Variants in SLC35F3 observed in about 807,000 individuals in gnomAD.
The protein encoded by SLC35F3 is solute carrier family 35 member F3.
Under a neutral mutation model 49.9 loss-of-function variants are expected in SLC35F3, and 25 were observed. That is an observed-to-expected ratio of 0.50 (90% CI 0.37 to 0.70). SLC35F3 has a LOEUF of 0.70. Among genes scored for constraint, SLC35F3 ranks in the 30% least tolerant of loss-of-function variants. The pLI is 0.00. For missense variants in SLC35F3, 525 were observed against 639.8 expected (o/e 0.82, Z 1.94); for synonymous variants, 275 against 265.4 (o/e 1.04, Z -0.35).
At chr1:234,237,348 T>C (rs1170273771) in intron 3 of SLC35F3, among the ~76,000 whole-genome samples, 1 of 152,150 alleles carries the variant, frequency 6.6e-6, no homozygotes, top group Non-Finnish European at 1.5e-5. Flanking sequence ...ACTGTCAACT[T>C]TTTGAGACTA....
At chr1:233,912,304 C>T (rs1661888328) in intron 2 of SLC35F3, among the ~76,000 whole-genome samples, 1 of 151,988 alleles carries the variant, frequency 6.6e-6, no homozygotes, top group African/African-American at 2.4e-5. Context: ...ATGGTGAAAC[C>T]CCGTCTCTAC....
chr1:233,951,364 C>T (rs961484436), intron 2 of SLC35F3, among the ~76,000 whole-genome samples: 4 of 151,882 alleles, frequency 2.6e-5, no homozygotes, highest in African/African-American at 9.7e-5. Context: ...CACGTTCACC[C>T]ACCACCCACT....
intron 3 of SLC35F3, among the ~76,000 whole-genome samples, chr1:234,240,179 G>A (rs1201329546): frequency 2.6e-5 from 4 of 152,190 alleles, no homozygotes; most frequent in African/African-American, 7.2e-5. Flanking sequence ...ATAAAATGAT[G>A]AGGGGGAGGG....
At chr1:233,982,924 A>G (rs180853611) in intron 2 of SLC35F3, among the ~76,000 whole-genome samples, 2 of 152,322 alleles carry the variant, frequency 1.3e-5, no homozygotes, top group African/African-American at 4.8e-5. Flanking sequence ...GACCTTGCCT[A>G]ACCAGGGGAG....
intron 2 of SLC35F3, among the ~76,000 whole-genome samples, chr1:233,923,126 T>C (rs191486347): frequency 1.4e-3 from 220 of 152,310 alleles, no homozygotes; most frequent in African/African-American, 5.1e-3. Flanking sequence ...GTCTTGACAA[T>C]GTGGGCTCTT....
chr1:234,076,287 G>A (rs1472696232), intron 2 of SLC35F3, among the ~76,000 whole-genome samples: 1 of 151,514 alleles, frequency 6.6e-6, no homozygotes, highest in East Asian at 2.0e-4. Flanking sequence ...TTGGAACCCA[G>A]AAAGCATATT....
chr1:233,983,752 C>G (rs111670959), intron 2 of SLC35F3, among the ~76,000 whole-genome samples: 1 of 152,182 alleles, frequency 6.6e-6, no homozygotes, highest in African/African-American at 2.4e-5. Flanking sequence ...AAATCTCCCA[C>G]TGGTGTTCTC....
intron 2 of SLC35F3, among the ~76,000 whole-genome samples, chr1:234,220,318 G>C (rs1478060804): frequency 1.3e-5 from 2 of 152,076 alleles, no homozygotes; most frequent in African/African-American, 2.4e-5. Flanking sequence ...GTGCTCATGT[G>C]TACATGCTCA....
chr1:233,915,344 T>C (rs1661950022), intron 2 of SLC35F3, among the ~76,000 whole-genome samples: 1 of 152,206 alleles, frequency 6.6e-6, no homozygotes, highest in Non-Finnish European at 1.5e-5. Context: ...TACTTTCTTT[T>C]CAGAAATTGA....
intron 2 of SLC35F3, among the ~76,000 whole-genome samples, chr1:234,182,918 C>A (rs1325665575): frequency 8.5e-6 from 1 of 117,372 alleles, no homozygotes; most frequent in African/African-American, 2.6e-5. Context: ...TCTTTTGTTT[C>A]TCTATTTTTC....
chr1:233,942,700 G>A (rs535262262), intron 2 of SLC35F3, among the ~76,000 whole-genome samples: 8 of 152,166 alleles, frequency 5.3e-5, no homozygotes, highest in Non-Finnish European at 8.8e-5. Flanking sequence ...GACATGAGCC[G>A]CTGAGCCCAG....
At position 234,125,244 on chromosome 1, in the gene SLC35F3, A is replaced by G. The variant is rs150723083; in HGVS notation, c.284-106173A>G. On this transcript the variant is annotated intron_variant, in intron 2 of 7. Coordinates refer to ENST00000366618, the MANE Select transcript of SLC35F3 (RefSeq NM_173508.4). ...TACCCCAAATTATCCTGCTTGTATC[A>G]GCCAAATTGCCCAGTTCACGCTGAT... Among the ~76,000 whole-genome samples the G allele has an allele frequency of 4.0e-3, 608 of 152,186 alleles. 3 individuals are homozygous for G. Among genetic ancestry groups the G allele is most frequent in the African/African-American group, 0.014 (570 of 41,516 alleles).
At chr1:234,015,143 C>G (rs1361321696) in intron 2 of SLC35F3, among the ~76,000 whole-genome samples, 1 of 151,900 alleles carries the variant, frequency 6.6e-6, no homozygotes, top group Admixed American at 6.6e-5. Flanking sequence ...GTCAGGAGTT[C>G]GAGACCAGCC....
intron 2 of SLC35F3, among the ~76,000 whole-genome samples, chr1:234,212,419 A>T (rs1039041832): frequency 6.6e-6 from 1 of 152,194 alleles, no homozygotes; most frequent in Non-Finnish European, 1.5e-5. Context: ...TGGAATAGCT[A>T]TGAGGAATTT....
intron 3 of SLC35F3, among the ~76,000 whole-genome samples, chr1:234,298,055 G>A (rs1184025662): frequency 1.3e-5 from 2 of 152,184 alleles, no homozygotes; most frequent in Non-Finnish European, 2.9e-5. Flanking sequence ...GAGTTCATGG[G>A]TGTGTACTTA....
chr1:234,062,911 G>A lies in SLC35F3; in HGVS notation c.283+157153G>A, dbSNP rs1011216468. Reference sequence around the variant, plus strand: ...TCACCGTGTTCACCGGGATGGTCTCGAACTCCTGACCTTGTGATCCGCCCG... The same window carrying A: ...TCACCGTGTTCACCGGGATGGTCTCAAACTCCTGACCTTGTGATCCGCCCG... On this transcript the variant is annotated intron_variant, in intron 2 of 7. Transcript: ENST00000366618. Among the ~76,000 whole-genome samples the A allele has an allele frequency of 4.7e-5, 7 of 149,274 alleles. No homozygotes were observed. The South Asian group carries it at 1.1e-3, about 23-fold the overall frequency.
At chr1:234,085,668 A>G (rs1415048846) in intron 2 of SLC35F3, among the ~76,000 whole-genome samples, 1 of 152,228 alleles carries the variant, frequency 6.6e-6, no homozygotes, top group Non-Finnish European at 1.5e-5. Flanking sequence ...TATCAATGAC[A>G]TCACCTACAG....
chr1:234,090,429 A>C (rs984345423), intron 2 of SLC35F3, among the ~76,000 whole-genome samples: 3 of 152,246 alleles, frequency 2.0e-5, no homozygotes, highest in Non-Finnish European at 4.4e-5. Flanking sequence ...AAAAGAGAAA[A>C]TATTTTTTAT....
At position 234,151,682 on chromosome 1, in the gene SLC35F3, TA is replaced by T. The variant is rs547191513; in HGVS notation, c.284-79730del. On this transcript the variant is annotated intron_variant, in intron 2 of 7. Transcript: ENST00000366618. Reference sequence around the variant, plus strand: ...GTCGTGCCTTAAGAGAAATAAAAGGTAAAAAGGATTCTAAAAGTTAAAAGAA... The same window carrying T: ...GTCGTGCCTTAAGAGAAATAAAAGGTAAAAGGATTCTAAAAGTTAAAAGAA... Among the ~76,000 whole-genome samples, 793 of 151,820 alleles carry T rather than the reference TA, an allele frequency of 5.2e-3. 10 individuals carry two copies. The highest frequency in any genetic ancestry group is 0.018 in the African/African-American group (756 of 41,414).
Sources: allele counts gnomAD v4.1 joint callset (sites outside exome capture counted in the v4.1 genomes callset), GRCh38; gene constraint gnomAD v4.1.1; transcripts MANE v1.5; gene names NCBI Gene and HGNC (gene_info 2026-07-23, HGNC 2026-07-21).